NLGN1: variants seen among roughly 807,000 people sequenced by gnomAD.
NLGN1 encodes the protein neuroligin 1, also known as neuroligin-1.
A neutral mutation model predicts 65.5 loss-of-function variants in NLGN1; 12 were observed. That is an observed-to-expected ratio of 0.18 (90% confidence interval 0.12 to 0.30). The LOEUF is 0.30. Among genes scored for constraint, NLGN1 ranks in the 10% least tolerant of loss-of-function variants. The pLI is 1.00. For synonymous variants in NLGN1, 350 were observed against 359.5 expected, an observed-to-expected ratio of 0.97 and a Z score of 0.30; for missense variants, 750 against 1,007.1, an observed-to-expected ratio of 0.74 and a Z score of 3.46.
At chr3:174,065,006 G>T (rs1339674965) in intron 4 of NLGN1, among the ~76,000 whole-genome samples, 1 of 151,550 alleles carries the variant, frequency 6.6e-6, no homozygotes, top group African/African-American at 2.4e-5. Context: ...GAGGTGTCAA[G>T]TATTTTATAA....
At chr3:174,115,056 A>C (rs950565514) in intron 4 of NLGN1, among the ~76,000 whole-genome samples, 1 of 152,200 alleles carries the variant, frequency 6.6e-6, no homozygotes, top group Non-Finnish European at 1.5e-5. Flanking sequence ...ACTGTTGACT[A>C]TGCTGACATC....
At chr3:174,134,889 G>A in intron 4 of NLGN1, among the ~76,000 whole-genome samples, 1 of 152,140 alleles carries the variant, frequency 6.6e-6, no homozygotes. Context: ...GGAAGCATAT[G>A]CAAGAAAGAT....
intron 4 of NLGN1, among the ~76,000 whole-genome samples, chr3:173,826,465 C>T (rs2861599): frequency 0.64 from 97,179 of 151,916 alleles, 32,080 homozygotes; most frequent in Non-Finnish European, 0.73. Context: ...GTGTCATGAG[C>T]GTTACTGCCT....
At chr3:173,814,693 A>G (rs1223823259) in intron 4 of NLGN1, among the ~76,000 whole-genome samples, 1 of 152,206 alleles carries the variant, frequency 6.6e-6, no homozygotes, top group East Asian at 1.9e-4. Context: ...TTCTCTATAA[A>G]TTGAGCAATA....
intron 4 of NLGN1, among the ~76,000 whole-genome samples, chr3:174,030,923 C>A (rs766931630): frequency 1.7e-4 from 26 of 152,166 alleles, no homozygotes; most frequent in Non-Finnish European, 2.6e-4. Context: ...TCTTTAGATT[C>A]ATGTTAAACC....
intron 3 of NLGN1, among the ~76,000 whole-genome samples, chr3:173,798,519 T>C (rs974177132): frequency 1.3e-5 from 2 of 152,168 alleles, no homozygotes; most frequent in Non-Finnish European, 2.9e-5. Context: ...AGCTATGTTG[T>C]TGCATGAATG....
chr3:173,987,456 A>C, intron 4 of NLGN1, among the ~76,000 whole-genome samples: 1 of 152,196 alleles, frequency 6.6e-6, no homozygotes, highest in East Asian at 1.9e-4. Flanking sequence ...TTTAACTTCT[A>C]TTTGGCACTA....
chr3:174,119,590 G>A (rs996699228), intron 4 of NLGN1, among the ~76,000 whole-genome samples: 17 of 152,110 alleles, frequency 1.1e-4, no homozygotes, highest in African/African-American at 4.1e-4. Flanking sequence ...ACATGCTATT[G>A]TTAGAGTCTT....
chr3:173,928,388 G>C (rs559107936), intron 4 of NLGN1, among the ~76,000 whole-genome samples: 16 of 152,204 alleles, frequency 1.1e-4, no homozygotes, highest in Admixed American at 9.2e-4. Flanking sequence ...TGAACTTTTC[G>C]AGTCTTAAGT....
At chr3:173,901,183 G>A (rs1229468499) in intron 4 of NLGN1, among the ~76,000 whole-genome samples, 1 of 151,816 alleles carries the variant, frequency 6.6e-6, no homozygotes, top group Non-Finnish European at 1.5e-5. Context: ...TCATGGAATT[G>A]AGATTAATAA....
intron 4 of NLGN1, among the ~76,000 whole-genome samples, chr3:174,099,157 C>T (rs570240262): frequency 6.6e-6 from 1 of 152,260 alleles, no homozygotes; most frequent in South Asian, 2.1e-4. Flanking sequence ...AGTTATGCAA[C>T]AGACGTTTTA....
At chr3:173,906,711 G>C (rs1738461396) in intron 4 of NLGN1, among the ~76,000 whole-genome samples, 1 of 151,526 alleles carries the variant, frequency 6.6e-6, no homozygotes, top group African/African-American at 2.4e-5. Context: ...TGTTAGCCAG[G>C]CATAGTAGGT....
chr3:174,131,522 A>G (rs562241639), intron 4 of NLGN1, among the ~76,000 whole-genome samples: 1 of 152,290 alleles, frequency 6.6e-6, no homozygotes, highest in African/African-American at 2.4e-5. Context: ...TGTTTGGAAA[A>G]TGAACCTTAT....
At chr3:173,529,696 G>A (rs547293225) in intron 2 of NLGN1, among the ~76,000 whole-genome samples, 1 of 152,256 alleles carries the variant, frequency 6.6e-6, no homozygotes, top group Admixed American at 6.5e-5. Flanking sequence ...CAGTAGGAAC[G>A]GTTTTGGGGT....
intron 4 of NLGN1, among the ~76,000 whole-genome samples, chr3:174,230,465 GA>G (rs147821335): frequency 0.027 from 4,157 of 152,058 alleles, 187 homozygotes; most frequent in African/African-American, 0.095. Flanking sequence ...AACTTTCTGA[GA>G]AAAAAAGTTG....
intron 2 of NLGN1, among the ~76,000 whole-genome samples, chr3:173,555,461 C>T (rs1741554404): frequency 6.6e-6 from 1 of 152,026 alleles, no homozygotes; most frequent in Non-Finnish European, 1.5e-5. Flanking sequence ...TGTTCCTTCT[C>T]AACCTTTTTT....
At chr3:173,450,362 C>G (rs184507318) in intron 2 of NLGN1, among the ~76,000 whole-genome samples, 5 of 152,146 alleles carry the variant, frequency 3.3e-5, no homozygotes, top group African/African-American at 4.8e-5. Flanking sequence ...GTTGAAAATT[C>G]TTTTCTTTAA....
chr3:174,029,132 C>G (rs1300817251), intron 4 of NLGN1, among the ~76,000 whole-genome samples: 1 of 152,170 alleles, frequency 6.6e-6, no homozygotes, highest in Non-Finnish European at 1.5e-5. Context: ...AAGAAGAAGG[C>G]CACCATCCTC....
intron 4 of NLGN1, among the ~76,000 whole-genome samples, chr3:174,052,012 T>G (rs1291034351): frequency 6.6e-6 from 1 of 152,048 alleles, no homozygotes; most frequent in Non-Finnish European, 1.5e-5. Context: ...AATTAGTTAT[T>G]CATGTGGCAT....
Sources: allele counts gnomAD v4.1 joint callset (sites outside exome capture counted in the v4.1 genomes callset), GRCh38; gene constraint gnomAD v4.1.1; transcripts MANE v1.5; gene names NCBI Gene and HGNC (gene_info 2026-07-23, HGNC 2026-07-21).